Variants in COMMD10 observed in about 807,000 individuals in gnomAD.
COMMD10 encodes COMM domain-containing protein 10.
A neutral mutation model predicts 28.9 loss-of-function variants in COMMD10; 33 were observed. The observed-to-expected ratio is 1.14, with a 90% CI of 0.87 to 1.53. COMMD10 has a LOEUF of 1.53. Among genes scored for constraint, COMMD10 ranks in the 40% most tolerant of loss-of-function variants. COMMD10 has a pLI of 0.00. For synonymous variants in COMMD10, 110 were observed against 81.7 expected, an observed-to-expected ratio of 1.35 and a Z score of -1.87; for missense variants, 310 against 233.4, an observed-to-expected ratio of 1.33 and a Z score of -2.14.
chr5:116,157,562 A>C (rs1451064945), intron 5 of COMMD10, among the ~76,000 whole-genome samples: 4 of 152,222 alleles, frequency 2.6e-5, no homozygotes, highest in Admixed American at 2.6e-4. Context: ...GAGATCTGGT[A>C]CAGAACAGGC....
In COMMD10 at chr5:116,213,043, TTATC is replaced by T. The variant is rs575511993; in HGVS notation, c.511-78470_511-78467del. 2.0e-3 allele frequency among the ~76,000 whole-genome samples: 305 copies of T among 152,246 alleles called. 2 individuals carry two copies. The highest frequency in any genetic ancestry group is 7.0e-3 in the African/African-American group (289 of 41,532). On this transcript the variant is annotated intron_variant, in intron 5 of 6. Transcript: ENST00000274458. The stretch of plus-strand genomic sequence containing the variant: ...AGGGATTTAATAAGTATGTTAATGA[TTATC>T]TATAAAGATAATATGCTTTATTTTT...
chr5:116,147,051 G>A (rs1038135578), intron 5 of COMMD10, among the ~76,000 whole-genome samples: 24 of 151,760 alleles, frequency 1.6e-4, no homozygotes, highest in African/African-American at 5.6e-4. Context: ...TGGCCATCCC[G>A]AGATAGCTAA....
chr5:116,175,783 A>G (rs1753489518), intron 5 of COMMD10, among the ~76,000 whole-genome samples: 1 of 152,168 alleles, frequency 6.6e-6, no homozygotes. Context: ...AAAAGGACAA[A>G]TGTGGTATGA....
intron 4 of COMMD10, among the ~76,000 whole-genome samples, chr5:116,128,296 T>TG (rs946728388): frequency 1.3e-5 from 2 of 152,052 alleles, no homozygotes; most frequent in African/African-American, 4.8e-5. Flanking sequence ...GTAAGTGAGA[T>TG]GCCTAACTAC....
intron 5 of COMMD10, among the ~76,000 whole-genome samples, chr5:116,241,896 C>T (rs185895354): frequency 1.6e-4 from 25 of 152,234 alleles, no homozygotes; most frequent in Non-Finnish European, 2.4e-4. Flanking sequence ...GGATTACAGG[C>T]GTGAGCCACC....
chr5:116,222,522 T>C (rs1749287395), intron 5 of COMMD10, among the ~76,000 whole-genome samples: 1 of 152,162 alleles, frequency 6.6e-6, no homozygotes, highest in Non-Finnish European at 1.5e-5. Context: ...AGTCTACTTG[T>C]ATTTGTAAAG....
At chr5:116,176,404 G>A (rs758219721) in intron 5 of COMMD10, among the ~76,000 whole-genome samples, 8 of 152,144 alleles carry the variant, frequency 5.3e-5, no homozygotes, top group Non-Finnish European at 1.2e-4. Context: ...GTGAGCCACC[G>A]TGCTCAGCCT....
intron 5 of COMMD10, among the ~76,000 whole-genome samples, chr5:116,250,817 C>A (rs1750091070): frequency 6.6e-6 from 1 of 151,944 alleles, no homozygotes; most frequent in Non-Finnish European, 1.5e-5. Context: ...ACCATATCTG[C>A]AACTGGGACA....
At chr5:116,163,979 A>C (rs942747930) in intron 5 of COMMD10, among the ~76,000 whole-genome samples, 1 of 152,112 alleles carries the variant, frequency 6.6e-6, no homozygotes, top group Non-Finnish European at 1.5e-5. Context: ...TTATCTACAA[A>C]GGGGTGATGG....
At chr5:116,197,664 G>C (rs1015798837) in intron 5 of COMMD10, among the ~76,000 whole-genome samples, 17 of 152,106 alleles carry the variant, frequency 1.1e-4, no homozygotes, top group African/African-American at 4.1e-4. Flanking sequence ...TTACAGGTGT[G>C]AGCCACCGTG....
chr5:116,139,968 T>C (rs1752143661), intron 5 of COMMD10, among the ~76,000 whole-genome samples: 1 of 151,794 alleles, frequency 6.6e-6, no homozygotes, highest in Non-Finnish European at 1.5e-5. Flanking sequence ...GTCCTGATGC[T>C]GTACATCAGA....
intron 4 of COMMD10, among the ~76,000 whole-genome samples, chr5:116,103,321 T>G (rs1379174015): frequency 6.6e-6 from 1 of 152,210 alleles, no homozygotes; most frequent in Non-Finnish European, 1.5e-5. Flanking sequence ...CCACATCCTC[T>G]TCAGCATCTG....
At chr5:116,180,935 C>G (rs1056389172) in intron 5 of COMMD10, among the ~76,000 whole-genome samples, 1 of 151,978 alleles carries the variant, frequency 6.6e-6, no homozygotes, top group Admixed American at 6.6e-5. Flanking sequence ...GGCAGATTGC[C>G]TGAGCTTAGT....
At chr5:116,287,472 T>A (rs1751248588) in intron 5 of COMMD10, among the ~76,000 whole-genome samples, 1 of 151,762 alleles carries the variant, frequency 6.6e-6, no homozygotes, top group African/African-American at 2.4e-5. Flanking sequence ...TATTGTTAGA[T>A]CTAAAGTATG....
At chr5:116,113,533 GACCTGTC>G (rs1444956172) in intron 4 of COMMD10, among the ~76,000 whole-genome samples, 1 of 151,750 alleles carries the variant, frequency 6.6e-6, no homozygotes, top group Non-Finnish European at 1.5e-5. Flanking sequence ...TGTTTGAAAA[GACCTGTC>G]TTCATGTTCT....
In COMMD10 at chr5:116,217,697, T is replaced by C. The variant is rs576646841; in HGVS notation, c.511-73820T>C. Among the ~76,000 whole-genome samples the C allele has an allele frequency of 2.3e-3, 350 of 152,240 alleles. 1 individual carries two copies. Among genetic ancestry groups the C allele is most frequent in the African/African-American group, 7.6e-3 (317 of 41,544 alleles). The stretch of plus-strand genomic sequence containing the variant: ...TGGGAAGGGAGAAGAGAGATAAAAA[T>C]GATTTTGTTTTTCCATACCACAAGG... On this transcript the variant is annotated intron_variant, in intron 5 of 6. Coordinates refer to ENST00000274458, the MANE Select transcript of COMMD10 (RefSeq NM_016144.4).
chr5:116,273,781 A>C (rs190916928), intron 5 of COMMD10, among the ~76,000 whole-genome samples: 12 of 151,820 alleles, frequency 7.9e-5, no homozygotes, highest in African/African-American at 2.9e-4. Context: ...CTGACACTCA[A>C]ATTTTTTATT....
chr5:116,233,818 T>A (rs891609014), intron 5 of COMMD10, among the ~76,000 whole-genome samples: 18 of 151,962 alleles, frequency 1.2e-4, no homozygotes, highest in Admixed American at 5.2e-4. Flanking sequence ...GAGAGGGGTG[T>A]GGTAGGACAG....
chr5:116,275,433 A>G (rs1750880240), intron 5 of COMMD10, among the ~76,000 whole-genome samples: 2 of 151,770 alleles, frequency 1.3e-5, no homozygotes, highest in Admixed American at 6.6e-5. Flanking sequence ...TCCAGAATGT[A>G]GGTGTAGTGT....
Sources: allele counts gnomAD v4.1 joint callset (sites outside exome capture counted in the v4.1 genomes callset), GRCh38; gene constraint gnomAD v4.1.1; transcripts MANE v1.5; gene names NCBI Gene and HGNC (gene_info 2026-07-23, HGNC 2026-07-21).